LZTR1: variants seen among roughly 807,000 people sequenced by gnomAD.
LZTR1 encodes the protein leucine zipper like post translational regulator 1.
In LZTR1, 260 loss-of-function variants were observed where a neutral mutation model predicts 105.7. The observed-to-expected ratio is 2.46, with a 90% CI of 2.22 to 2.72. LZTR1 has a LOEUF of 2.72. Among genes scored for constraint, LZTR1 ranks in the 30% most tolerant of loss-of-function variants. The probability of loss-of-function intolerance (pLI) is 0.00; values close to 1 mark genes in which losing one functional copy is unlikely to be tolerated. For synonymous variants in LZTR1, 490 were observed against 476.4 expected, an observed-to-expected ratio of 1.03 and a Z score of -0.37; for missense variants, 1,214 against 1,166.9, an observed-to-expected ratio of 1.04 and a Z score of -0.59.
Position 20,994,102 on chromosome 22 carries a change from A to G in LZTR1, c.1450-2A>G. 1 of 1,578,134 alleles carries G rather than the reference A, an allele frequency of 6.3e-7. No individual in the cohort carries two copies. The highest frequency in any genetic ancestry group is 2.3e-5 in the East Asian group (1 of 43,442). On this transcript the variant is annotated splice_acceptor_variant, in intron 13 of 20. Coordinates refer to ENST00000646124, the MANE Select transcript of LZTR1 (RefSeq NM_006767.4). LOFTEE classifies it high-confidence loss of function. ...TGTCCTTGAGCTCCCTTCTCCCCACAGAAGCTGGAGCAGGAGGCCGCCCCA... is the reference window on the plus strand; with the variant it reads ...TGTCCTTGAGCTCCCTTCTCCCCACGGAAGCTGGAGCAGGAGGCCGCCCCA...
chr22:20,994,311 G>T, intron 14 of LZTR1, 42 bp downstream of exon 14: 3 of 1,582,380 alleles, frequency 1.9e-6, no homozygotes, highest in Non-Finnish European at 1.7e-6. Flanking sequence ...TGTGGGCTGG[G>T]GTGCGGGCAG....
chr22:20,989,809 G>C, intron 7 of LZTR1, 127 bp downstream of exon 7: 1 of 1,029,858 alleles, frequency 9.7e-7, no homozygotes, highest in Non-Finnish European at 1.5e-6. Flanking sequence ...GAGGCAGGGG[G>C]AGCCAGGCTG....
Position 20,991,782 on chromosome 22 carries a change from G to A in LZTR1, c.946G>A (p.Val316Met), listed in dbSNP as rs370315661. Residue 316 changes from valine (V) to methionine (M), a missense_variant, in exon 9 of 21, where the codon GTG becomes ATG. Coordinates refer to ENST00000646124, the MANE Select transcript of LZTR1 (RefSeq NM_006767.4). Reference protein sequence around the residue: ...TLPNELHCYDVDFQTWEVVQP... With the variant: ...TLPNELHCYDMDFQTWEVVQP... Reference sequence around the variant, plus strand: ...GCCCAACGAGCTGCACTGCTATGACGTGGACTTCCAGACCTGGGAGGTCGT... The same window carrying A: ...GCCCAACGAGCTGCACTGCTATGACATGGACTTCCAGACCTGGGAGGTCGT... 2.0e-5 allele frequency: 31 copies of A among 1,553,694 alleles called. No homozygotes were observed. The highest frequency in any genetic ancestry group is 1.5e-4 in the East Asian group (6 of 41,254).
chr22:20,989,815 G>C, intron 7 of LZTR1, 133 bp downstream of exon 7: 1 of 972,034 alleles, frequency 1.0e-6, no homozygotes, highest in South Asian at 1.4e-5. Context: ...GGGGGAGCCA[G>C]GCTGGGGGTC....
Position 20,995,751 on chromosome 22 carries a change from T to G in LZTR1, c.1948T>G (p.Ser650Ala). ...PLDQPVDIGT[S>A]LIQDMKAYLE... Reference sequence around the variant, plus strand: ...AGGGACCCTCCTACCCCCAGGCACATCTCTGATCCAGGACATGAAGGCATA... The same window carrying G: ...AGGGACCCTCCTACCCCCAGGCACAGCTCTGATCCAGGACATGAAGGCATA... The change falls in exon 17 of 21, where the codon TCT becomes GCT. Residue 650 changes from serine to alanine, a missense_variant. By Grantham distance (99) the Ser-to-Ala change is moderately conservative. Transcript: ENST00000646124. 1 of 1,613,518 alleles carries G rather than the reference T, an allele frequency of 6.2e-7. No individual in the cohort carries two copies. The highest frequency in any genetic ancestry group is 1.3e-5 in the African/African-American group (1 of 75,008).
At chr22:20,989,938 G>A (rs1182662011) in intron 7 of LZTR1, among the ~76,000 whole-genome samples, 1 of 152,182 alleles carries the variant, frequency 6.6e-6, no homozygotes, top group African/African-American at 2.4e-5. Context: ...ACAGTGATTC[G>A]AGGTTTGGTG....
intron 16 of LZTR1, 129 bp downstream of exon 16, chr22:20,995,155 T>A: frequency 9.8e-7 from 1 of 1,024,986 alleles, no homozygotes; most frequent in Non-Finnish European, 1.4e-6. Flanking sequence ...GACCCCAGAG[T>A]GCTCTCCTGG....
In LZTR1 at chr22:20,988,787, AG is replaced by A; in HGVS notation, c.510del. ...TCCCTCCCCTCTTCCCTCACACTCC[AG>A]GTTGCCAGTCGCTAGGTCAGCCCAT... On this transcript the variant is annotated splice_acceptor_variant, in intron 5 of 20. Transcript: ENST00000646124. LOFTEE classifies it high-confidence loss of function. 6.2e-7 allele frequency: 1 copy of A among 1,613,072 alleles called. No individual in the cohort carries two copies. The highest frequency in any genetic ancestry group is 8.5e-7 in the Non-Finnish European group (1 of 1,179,170).
At chr22:20,992,465 A>G in intron 10 of LZTR1, 96 bp downstream of exon 10, 1 of 1,347,020 alleles carries the variant, frequency 7.4e-7, no homozygotes, top group Non-Finnish European at 1.0e-6. Flanking sequence ...GCCCCGAGAA[A>G]TACTTGCTTG....
At chr22:20,996,840 C>T in intron 19 of LZTR1, 39 bp downstream of exon 19, 1 of 1,612,588 alleles carries the variant, frequency 6.2e-7, no homozygotes, top group Non-Finnish European at 8.5e-7. Flanking sequence ...GCAGCTCCCA[C>T]TGAGTGGGTG....
intron 5 of LZTR1, 116 bp from the exon 6 acceptor site, chr22:20,988,673 T>C (rs1924489917): frequency 1.4e-6 from 1 of 725,340 alleles, no homozygotes; most frequent in East Asian, 2.5e-5. Context: ...AGCCCCAGTG[T>C]CGGGTGGATG....
At chr22:20,991,932 G>A in intron 9 of LZTR1, 103 bp downstream of exon 9, 1 of 1,156,646 alleles carries the variant, frequency 8.6e-7, no homozygotes, top group Non-Finnish European at 1.2e-6. Context: ...TGGGGTTCCA[G>A]ACAGCTACCA....
rs146427018 is a variant in LZTR1 at position 20,993,973 on chromosome 22, G to A, written c.1403G>A (p.Arg468His). Residue 468 changes from arginine to histidine, a missense_variant, in exon 13 of 21, where the codon CGC becomes CAC. Coordinates refer to ENST00000646124, the MANE Select transcript of LZTR1 (RefSeq NM_006767.4). ...GTAGCCATTGTCACAGCGCGGAGCCGCTGGCTTCGCAGGAAGATCACGCAG... is the reference window on the plus strand; with the variant it reads ...GTAGCCATTGTCACAGCGCGGAGCCACTGGCTTCGCAGGAAGATCACGCAG... ...GHVAIVTARS[R>H]WLRRKITQAR... 1.3e-5 allele frequency: 21 copies of A among 1,612,384 alleles called. No individual in the cohort carries two copies. Among genetic ancestry groups the A allele is most frequent in the Middle Eastern group, 1.7e-4 (1 of 5,924 alleles).
chr22:20,994,620 T>C lies in LZTR1; in HGVS notation c.1678T>C (p.Cys560Arg), dbSNP rs754093586. Residue 560 changes from cysteine (C) to arginine (R), a missense_variant, in exon 15 of 21, where the codon TGC becomes CGC. Transcript: ENST00000646124. ...VYKLALSFQLCRLEQLCRQYI... is the reference protein window; with the variant it reads ...VYKLALSFQLRRLEQLCRQYI... Reference sequence around the variant, plus strand: ...CAAACTGGCACTGAGCTTCCAGTTGTGCCGCCTGGAGCAGCTGTGCCGCCA... The same window carrying C: ...CAAACTGGCACTGAGCTTCCAGTTGCGCCGCCTGGAGCAGCTGTGCCGCCA... The C allele has an allele frequency of 7.4e-6, 12 of 1,612,558 alleles. No individual in the cohort carries two copies. The highest frequency in any genetic ancestry group is 4.4e-5 in the South Asian group (4 of 91,086).
At chr22:20,990,275 C>T (rs1924553926) in intron 7 of LZTR1, 111 bp from the exon 8 acceptor site, 2 of 1,221,370 alleles carry the variant, frequency 1.6e-6, no homozygotes, top group African/African-American at 1.5e-5. Flanking sequence ...TGTGAATCCT[C>T]ATCTGGGGAA....
intron 8 of LZTR1, 50 bp from the exon 9 acceptor site, chr22:20,991,578 G>T (rs1442457270): frequency 7.0e-7 from 1 of 1,426,260 alleles, no homozygotes; most frequent in Non-Finnish European, 9.4e-7. Context: ...GGCCCCGAGG[G>T]TGAGCAGGAG....
rs1446469999 is a variant in LZTR1 at position 20,982,413 on chromosome 22, G to C, written c.42G>C (p.Ala14=). 3 of 1,569,732 alleles carry C rather than the reference G, an allele frequency of 1.9e-6. No homozygotes were observed. The highest frequency in any genetic ancestry group is 2.6e-6 in the Non-Finnish European group (3 of 1,156,930). Residue 14 remains alanine (A), a synonymous_variant, in exon 1 of 21, where the codon GCG becomes GCC. Transcript: ENST00000646124. ...GCACGGGGGGGCAGATCGGGGCTGC[G>C]GCCCTGGCAGGCGGCGCGCGGTCCA... ...PGSTGGQIGA[A]ALAGGARSKV...
rs766446110 is a variant in LZTR1, at chr22:20,982,551, C to A, written c.180C>A (p.Cys60Ter). 6.2e-7 allele frequency: 1 copy of A among 1,612,394 alleles called. No homozygotes were observed. The highest frequency in any genetic ancestry group is 8.5e-7 in the Non-Finnish European group (1 of 1,179,538). The change falls in exon 1 of 21, where the codon TGC becomes TGA. Residue 60 changes from cysteine (C) to a stop codon, truncating the protein, a stop_gained. Transcript: ENST00000646124. LOFTEE classifies it high-confidence loss of function. ...ATCGCTGGCGGCGCCTCCCGCCCTG[C>A]GACGAGTTCGTGGGTGCCCGGTACG... ...TVHRWRRLPP[C>*]DEFVGARRSK...
intron 20 of LZTR1, 47 bp downstream of exon 20, chr22:20,997,013 G>A (rs756242042): frequency 7.5e-6 from 12 of 1,592,778 alleles, no homozygotes; most frequent in African/African-American, 2.7e-5. Flanking sequence ...CCTTGGCAGT[G>A]GCCATGCCCA....
Sources: gnomAD v4.1 joint callset for allele counts (sites outside exome capture counted in the v4.1 genomes callset) on GRCh38, gnomAD v4.1.1 for gene constraint, MANE v1.5 for transcripts, NCBI Gene and HGNC (gene_info 2026-07-23, HGNC 2026-07-21) for gene names.